Variants in NFIB observed in about 807,000 individuals in gnomAD.
NFIB encodes the protein nuclear factor I B.
NFIB carries 11 observed loss-of-function variants against 61.5 expected under a neutral mutation model. The observed-to-expected ratio is 0.18, with a 90% CI of 0.11 to 0.30. NFIB has a LOEUF of 0.30. NFIB is among the 10% of genes least tolerant of loss of function. NFIB has a pLI of 1.00. For missense variants in NFIB, 471 were observed against 608.9 expected (o/e 0.77, Z 2.38); for synonymous variants, 260 against 216.5 (o/e 1.20, Z -1.76).
In NFIB at chr9:14,313,759, C is replaced by G; in HGVS notation, c.-248G>C. On this transcript the variant is annotated 5_prime_UTR_variant, in exon 1 of 11. Coordinates refer to ENST00000380953, the MANE Select transcript of NFIB (RefSeq NM_001190737.2). The surrounding 1 kb of genome is among the most constrained non-coding windows in gnomAD (Gnocchi z 4.5). ...CTACACTTTTAACCCTCTTGCAGTC[C>G]GAGCGCGCTGGCCGTGCTTGCCGAG... 1 of 1,350,764 alleles carries G rather than the reference C, an allele frequency of 7.4e-7. No individual in the cohort carries two copies. Among genetic ancestry groups the G allele is most frequent in the South Asian group, 1.7e-5 (1 of 57,988 alleles). The allele number at this position is 1,350,764 out of a possible 1,614,324, so 83.7% of individuals were successfully genotyped here. A position where few individuals can be genotyped will look rare whatever the true frequency, so the allele number is the denominator to read the frequency against.
At chr9:14,325,090 T>C (rs1177413567) in intron 1 of NFIB, among the ~76,000 whole-genome samples, 1 of 152,098 alleles carries the variant, frequency 6.6e-6, no homozygotes. Flanking sequence ...TAGATGCTCC[T>C]TTTTAAATGA....
At chr9:14,445,791 T>C in the NFIB span, among the ~76,000 whole-genome samples, 1 of 152,200 alleles carries the variant, frequency 6.6e-6, no homozygotes, top group East Asian at 1.9e-4. Context: ...TTTATTGTTT[T>C]ATATACCCAA....
In NFIB at chr9:14,242,007, G is replaced by T. The variant is rs10961445; in HGVS notation, c.563-62227C>A. On this transcript the variant is annotated intron_variant, in intron 2 of 10. Transcript: ENST00000380953. ...ACCATATGCTGATATTCAACCAGAA[G>T]AATTTGTTTGAAAAGGCAAAAAAAA... 4.0e-3 allele frequency among the ~76,000 whole-genome samples: 616 copies of T among 152,118 alleles called. 3 individuals carry two copies. The highest frequency in any genetic ancestry group is 6.2e-3 in the Non-Finnish European group (423 of 67,976).
the NFIB span, among the ~76,000 whole-genome samples, chr9:14,497,677 A>G: frequency 4.5e-4 from 68 of 152,350 alleles, no homozygotes; most frequent in East Asian, 0.011. Context: ...TCCATGTGGT[A>G]ACTATCACTG....
chr9:14,171,402 C>T (rs1456420287), intron 3 of NFIB, among the ~76,000 whole-genome samples: 2 of 152,224 alleles, frequency 1.3e-5, no homozygotes, highest in Non-Finnish European at 2.9e-5. Flanking sequence ...TCCACTATGA[C>T]TGCTCCTTTA....
chr9:14,398,588 C>T lies in NFIB; in HGVS notation c.44G>A (p.Cys15Tyr), dbSNP rs528648373. Residue 15 changes from cysteine (C) to tyrosine (Y), a missense_variant, in exon 1 of 9, where the codon TGT (cysteine) becomes TAT (tyrosine). Transcript: ENST00000380934. ...CCCAGGGTTACATTTCAGAACTGCA[C>T]AGCAGACAACCCAGAAGTCCACAGA... 2.4e-5 allele frequency: 37 copies of T among 1,535,004 alleles called. No homozygotes were observed. The African/African-American group carries it at 4.5e-4, about 19-fold the overall frequency.
At chr9:14,340,629 CAA>C (rs2060938761) in intron 1 of NFIB, among the ~76,000 whole-genome samples, 1 of 152,224 alleles carries the variant, frequency 6.6e-6, no homozygotes, top group African/African-American at 2.4e-5. Context: ...CAAGTAGAAG[CAA>C]ACTTTTCTCT....
intron 1 of NFIB, among the ~76,000 whole-genome samples, chr9:14,397,864 A>G (rs2061703024): frequency 6.6e-6 from 1 of 152,214 alleles, no homozygotes; most frequent in Non-Finnish European, 1.5e-5. Context: ...CAGAGAACCA[A>G]GATAAAACAG....
At chr9:14,141,748 TA>T (rs1222172990) in intron 6 of NFIB, among the ~76,000 whole-genome samples, 2 of 151,936 alleles carry the variant, frequency 1.3e-5, no homozygotes, top group African/African-American at 4.8e-5. Context: ...ATATTTTATC[TA>T]AGATTACAGG....
intron 2 of NFIB, among the ~76,000 whole-genome samples, chr9:14,264,974 C>T (rs1165266058): frequency 2.0e-5 from 3 of 152,120 alleles, no homozygotes; most frequent in African/African-American, 7.2e-5. Flanking sequence ...AGCCTAAGCA[C>T]ATTCAGTTAT....
chr9:14,517,292 G>T, the NFIB span, among the ~76,000 whole-genome samples: 4 of 152,198 alleles, frequency 2.6e-5, no homozygotes, highest in Non-Finnish European at 5.9e-5. Context: ...AACTCAATGT[G>T]TTTGTCTTCT....
the NFIB span, among the ~76,000 whole-genome samples, chr9:14,405,898 C>T: frequency 6.6e-6 from 1 of 152,122 alleles, no homozygotes; most frequent in Non-Finnish European, 1.5e-5. Context: ...AGGGAAGAAC[C>T]TTGGATATGC....
chr9:14,116,183 G>A (rs2038106794), intron 9 of NFIB, 25 bp downstream of exon 9: 1 of 1,479,880 alleles, frequency 6.8e-7, no homozygotes, highest in South Asian at 1.4e-5. Context: ...ATACTTACTG[G>A]TTGCTGTAGG....
chr9:14,394,757 C>G (rs2061662875), intron 1 of NFIB, among the ~76,000 whole-genome samples: 1 of 152,108 alleles, frequency 6.6e-6, no homozygotes, highest in Non-Finnish European at 1.5e-5. Context: ...GGAATGAAGC[C>G]TCACCTCTGA....
At chr9:14,423,581 GT>G in the NFIB span, among the ~76,000 whole-genome samples, 1 of 152,174 alleles carries the variant, frequency 6.6e-6, no homozygotes, top group African/African-American at 2.4e-5. Flanking sequence ...GCCATCTATA[GT>G]TTTCTCCTGC....
At chr9:14,281,909 A>C (rs1289487178) in intron 2 of NFIB, among the ~76,000 whole-genome samples, 5 of 152,166 alleles carry the variant, frequency 3.3e-5, no homozygotes, top group Non-Finnish European at 7.3e-5. Context: ...ATATTTATAA[A>C]TGCCCAGAGG....
At chr9:14,206,695 C>CAA (rs889983433) in intron 2 of NFIB, among the ~76,000 whole-genome samples, 51 of 71,238 alleles carry the variant, frequency 7.2e-4, no homozygotes, top group Non-Finnish European at 8.4e-4. Context: ...ACATGCTTTA[C>CAA]AAAAAAAAAA....
At chr9:14,127,483 G>C (rs148573347) in intron 6 of NFIB, among the ~76,000 whole-genome samples, 1 of 152,206 alleles carries the variant, frequency 6.6e-6, no homozygotes, top group African/African-American at 2.4e-5. Context: ...TTCTCTCCCT[G>C]TGGTACTTTG....
intron 1 of NFIB, among the ~76,000 whole-genome samples, chr9:14,360,352 T>G (rs1361385900): frequency 6.6e-6 from 1 of 152,246 alleles, no homozygotes; most frequent in African/African-American, 2.4e-5. Flanking sequence ...ATATAGTTTA[T>G]AATTTTCCGA....
Sources: gnomAD v4.1 joint callset for allele counts (sites outside exome capture counted in the v4.1 genomes callset) on GRCh38, gnomAD v4.1.1 for gene constraint, Gnocchi (gnomAD v3.1) non-coding constraint, MANE v1.5 for transcripts, NCBI Gene and HGNC (gene_info 2026-07-23, HGNC 2026-07-21) for gene names.